STK10: variants seen among roughly 807,000 people sequenced by gnomAD.
STK10 encodes the protein serine/threonine-protein kinase 10.
A neutral mutation model predicts 113.8 loss-of-function variants in STK10; 78 were observed. That is an observed-to-expected ratio of 0.69 (90% CI 0.57 to 0.83). STK10 has a LOEUF of 0.83. STK10 is among the 40% of genes least tolerant of loss of function. STK10 has a pLI of 0.00. For synonymous variants in STK10, 465 were observed against 494.7 expected (o/e 0.94, Z 0.80); for missense variants, 1,109 against 1,280.1 (o/e 0.87, Z 2.04).
chr5:172,178,066 G>T (rs1368105989), intron 1 of STK10, among the ~76,000 whole-genome samples: 1 of 152,188 alleles, frequency 6.6e-6, no homozygotes, highest in Non-Finnish European at 1.5e-5. Flanking sequence ...GACCTCAGGT[G>T]ATCCACCCAC....
intron 1 of STK10, among the ~76,000 whole-genome samples, chr5:172,182,411 C>T (rs1561837867): frequency 6.6e-6 from 1 of 151,744 alleles, no homozygotes. Flanking sequence ...CTCAGGGTCT[C>T]ATTCTGTTGC....
chr5:172,063,977 C>T (rs1168909879), intron 13 of STK10, among the ~76,000 whole-genome samples: 2 of 152,096 alleles, frequency 1.3e-5, no homozygotes, highest in East Asian at 1.9e-4. Context: ...GGCCAGGGCA[C>T]AGCAAAGAGG....
At chr5:172,119,557 G>A (rs758619713) in intron 3 of STK10, among the ~76,000 whole-genome samples, 43 of 151,992 alleles carry the variant, frequency 2.8e-4, no homozygotes, top group Admixed American at 7.9e-4. Flanking sequence ...TATGCTTGTA[G>A]CATTTATTAT....
intron 18 of STK10, chr5:172,045,489 C>G: frequency 4.5e-6 from 2 of 445,418 alleles, no homozygotes; most frequent in South Asian, 3.2e-5. Context: ...ATCTCAAAAA[C>G]AAAAACAAAA....
intron 2 of STK10, among the ~76,000 whole-genome samples, chr5:172,142,395 A>C (rs1769992137): frequency 6.6e-6 from 1 of 152,136 alleles, no homozygotes; most frequent in South Asian, 2.1e-4. Context: ...CTTCTAAGTA[A>C]TGCGCACAAA....
chr5:172,105,192 C>T (rs1258616057), intron 7 of STK10, among the ~76,000 whole-genome samples: 1 of 144,082 alleles, frequency 6.9e-6, no homozygotes, highest in Non-Finnish European at 1.5e-5. Context: ...CTGGCTCTTC[C>T]CAGCATGTGT....
intron 1 of STK10, among the ~76,000 whole-genome samples, chr5:172,175,420 C>T (rs1770741092): frequency 6.6e-6 from 1 of 152,090 alleles, no homozygotes; most frequent in Non-Finnish European, 1.5e-5. Flanking sequence ...AGCCTTTCAG[C>T]ACTCACCCTC....
chr5:172,131,614 C>T (rs1211177632), intron 2 of STK10, among the ~76,000 whole-genome samples: 2 of 152,180 alleles, frequency 1.3e-5, no homozygotes, highest in Non-Finnish European at 2.9e-5. Context: ...TTTGGTTTGA[C>T]TCCCAGGCCT....
intron 13 of STK10, among the ~76,000 whole-genome samples, chr5:172,063,247 C>T (rs1767973525): frequency 6.6e-6 from 1 of 150,560 alleles, no homozygotes; most frequent in South Asian, 2.1e-4. Context: ...GAGACTCCAT[C>T]TCAAAAAAGA....
Position 172,117,472 on chromosome 5 carries a change from G to A in STK10, c.520+9C>T. 1 of 1,609,432 alleles carries A rather than the reference G, an allele frequency of 6.2e-7. No homozygotes were observed. Among genetic ancestry groups the A allele is most frequent in the Non-Finnish European group, 8.5e-7 (1 of 1,179,796 alleles). On this transcript the variant is annotated intron_variant, in intron 4 of 18. Transcript: ENST00000176763. ...TGTGGCTCCACCTTTCCCACCCTGAGCCCCTTACCCAGCCTGATGTCTCCC... is the reference window on the plus strand; with the variant it reads ...TGTGGCTCCACCTTTCCCACCCTGAACCCCTTACCCAGCCTGATGTCTCCC...
intron 2 of STK10, among the ~76,000 whole-genome samples, chr5:172,148,681 G>A (rs1173144984): frequency 2.0e-5 from 3 of 152,232 alleles, no homozygotes; most frequent in African/African-American, 7.2e-5. Context: ...CCCCTCAAGT[G>A]GAAGGGTGGG....
In STK10 at chr5:172,043,808, G is replaced by C. The variant is rs1453617234; in HGVS notation, c.*1074C>G. On this transcript the variant is annotated 3_prime_UTR_variant, in exon 19 of 19. Transcript: ENST00000176763. ...TGATGCTTTTTCTTCCTGAAGAGAA[G>C]TCCAACAGACTGCCAGCCCAGGTCT... The C allele has an allele frequency of 6.6e-6, 1 of 152,202 alleles. No homozygotes were observed. The highest frequency in any genetic ancestry group is 2.4e-5 in the African/African-American group (1 of 41,428). 9.4% of individuals were successfully genotyped at this position (152,202 alleles called of 1,614,324 possible).
At position 172,187,696 on chromosome 5, in the gene STK10, C is replaced by A. The variant is rs1376359591; in HGVS notation, c.156+191G>T. Among the ~76,000 whole-genome samples the A allele has an allele frequency of 6.6e-6, 1 of 152,172 alleles. No homozygotes were observed. Among genetic ancestry groups the A allele is most frequent in the Non-Finnish European group, 1.5e-5 (1 of 68,040 alleles). ...CCGTGCCCGGAGGGGGCGCCCAGAGCGCAGGGACTCGGCCGGGCCGAGTGA... is the reference window on the plus strand; with the variant it reads ...CCGTGCCCGGAGGGGGCGCCCAGAGAGCAGGGACTCGGCCGGGCCGAGTGA... On this transcript the variant is annotated intron_variant, in intron 1 of 18. Coordinates refer to ENST00000176763, the MANE Select transcript of STK10 (RefSeq NM_005990.4). This position sits in a 1 kb window ranked among gnomAD's most constrained non-coding sequence, Gnocchi z 4.6.
At chr5:172,109,924 C>T (rs1182172816) in intron 4 of STK10, among the ~76,000 whole-genome samples, 1 of 152,246 alleles carries the variant, frequency 6.6e-6, no homozygotes. Context: ...AGTGCCTGGT[C>T]TTGAAATGAG....
Position 172,090,370 on chromosome 5 carries a change from G to A in STK10, c.1555-8C>T, listed in dbSNP as rs368454086. ...TTTGTACAGTTTCGGGTCCTGGCCA[G>A]GGAAAACCATTAGACAAGTCTCAGC... On this transcript the variant is annotated splice_polypyrimidine_tract_variant and splice_region_variant and intron_variant, in intron 9 of 18. Coordinates refer to ENST00000176763, the MANE Select transcript of STK10 (RefSeq NM_005990.4). 12 of 1,612,950 alleles carry A rather than the reference G, an allele frequency of 7.4e-6. No homozygotes were observed. The highest frequency in any genetic ancestry group is 9.3e-6 in the Non-Finnish European group (11 of 1,179,498).
At chr5:172,116,596 G>T (rs769843572) in intron 4 of STK10, among the ~76,000 whole-genome samples, 9 of 152,134 alleles carry the variant, frequency 5.9e-5, no homozygotes, top group Non-Finnish European at 1.0e-4. Context: ...AGCCGGGCGG[G>T]GTGGTTCACA....
At chr5:172,151,049 G>A (rs957383790) in intron 2 of STK10, among the ~76,000 whole-genome samples, 1 of 152,268 alleles carries the variant, frequency 6.6e-6, no homozygotes, top group Non-Finnish European at 1.5e-5. Context: ...CAGGCCCCGT[G>A]CCGGGGACCA....
At position 172,187,146 on chromosome 5, in the gene STK10, T is replaced by C. The variant is rs902217435; in HGVS notation, c.156+741A>G. ...CCAACGTCCTGCTGCCACACTTCTC[T>C]AGACTCAATCAGCTCTGCCCCACCC... On this transcript the variant is annotated intron_variant, in intron 1 of 18. Transcript: ENST00000176763. This position sits in a 1 kb window ranked among gnomAD's most constrained non-coding sequence, Gnocchi z 4.6. Among the ~76,000 whole-genome samples the C allele has an allele frequency of 1.3e-5, 2 of 152,150 alleles. No homozygotes were observed. Among genetic ancestry groups the C allele is most frequent in the African/African-American group, 4.8e-5 (2 of 41,432 alleles).
At chr5:172,156,825 C>A in intron 1 of STK10, 37 bp from the exon 2 acceptor site, 1 of 1,592,312 alleles carries the variant, frequency 6.3e-7, no homozygotes, top group Non-Finnish European at 8.6e-7. Flanking sequence ...ACAAGGCATG[C>A]TCCGCAGGAA....
Sources: allele counts gnomAD v4.1 joint callset (sites outside exome capture counted in the v4.1 genomes callset), GRCh38; gene constraint gnomAD v4.1.1; non-coding constraint Gnocchi (gnomAD v3.1); transcripts MANE v1.5; gene names NCBI Gene and HGNC (gene_info 2026-07-23, HGNC 2026-07-21).